PRKACB: variants seen among roughly 807,000 people sequenced by gnomAD.
PRKACB encodes the protein cAMP-dependent protein kinase catalytic subunit beta.
Under a neutral mutation model 51.4 loss-of-function variants are expected in PRKACB, and 16 were observed. The observed-to-expected ratio is 0.31, with a 90% CI of 0.21 to 0.47. PRKACB has a LOEUF of 0.47. Among genes scored for constraint, PRKACB ranks in the 20% least tolerant of loss-of-function variants. The pLI, the probability that PRKACB is intolerant of heterozygous loss-of-function variation, is 1.00. For missense variants in PRKACB, 309 were observed against 464.5 expected (o/e 0.67, Z 3.08); for synonymous variants, 147 against 154.4 (o/e 0.95, Z 0.35).
intron 1 of PRKACB, among the ~76,000 whole-genome samples, chr1:84,093,732 T>C (rs1648704642): frequency 6.6e-6 from 1 of 152,024 alleles, no homozygotes; most frequent in South Asian, 2.1e-4. Context: ...TCCATTTATT[T>C]AGATCTACTT....
intron 8 of PRKACB, among the ~76,000 whole-genome samples, chr1:84,210,920 A>C (rs1054809298): frequency 6.6e-6 from 1 of 152,194 alleles, no homozygotes; most frequent in African/African-American, 2.4e-5. Flanking sequence ...ATACTTTCAC[A>C]ATGACTTTCA....
At chr1:84,085,849 T>A in intron 1 of PRKACB, 1 of 552,274 alleles carries the variant, frequency 1.8e-6, no homozygotes, top group South Asian at 2.7e-5. Context: ...GACCCCACAG[T>A]GCAGTCCTGG....
Position 84,168,072 on chromosome 1 carries a change from T to C in PRKACB, c.188-11105T>C, listed in dbSNP as rs1658115405. 2.0e-5 allele frequency among the ~76,000 whole-genome samples: 3 copies of C among 151,576 alleles called. No homozygotes were observed. In the Admixed American group the frequency reaches 2.0e-4, roughly 10 times the overall value. Reference sequence around the variant, plus strand: ...CAGTCAAACTATTGTAAGGCCCTTATGTTTAGAGGTTGTAGCAACTCACTC... The same window carrying C: ...CAGTCAAACTATTGTAAGGCCCTTACGTTTAGAGGTTGTAGCAACTCACTC... On this transcript the variant is annotated intron_variant, in intron 1 of 9. Transcript: ENST00000370685.
At chr1:84,099,925 TGTCA>T (rs1188143726) in intron 1 of PRKACB, among the ~76,000 whole-genome samples, 2 of 152,188 alleles carry the variant, frequency 1.3e-5, no homozygotes, top group Non-Finnish European at 2.9e-5. Flanking sequence ...TTATTTGAAT[TGTCA>T]GTCTGTGGAC....
chr1:84,160,588 TAC>T, intron 1 of PRKACB, among the ~76,000 whole-genome samples: 1 of 148,128 alleles, frequency 6.8e-6, no homozygotes, highest in East Asian at 2.0e-4. Context: ...TAATAATATA[TAC>T]AAAGCTTAAG....
intron 5 of PRKACB, among the ~76,000 whole-genome samples, chr1:84,193,099 C>T (rs1046711595): frequency 6.6e-6 from 1 of 152,122 alleles, no homozygotes; most frequent in African/African-American, 2.4e-5. Flanking sequence ...AAATAACCCT[C>T]CCCAACAGGA....
intron 1 of PRKACB, among the ~76,000 whole-genome samples, chr1:84,122,370 T>C (rs1651156298): frequency 1.3e-5 from 2 of 152,176 alleles, no homozygotes; most frequent in Admixed American, 1.3e-4. Flanking sequence ...AATCTTATAC[T>C]CAATTGAGCA....
chr1:84,159,882 AT>A (rs1388390421), intron 1 of PRKACB, among the ~76,000 whole-genome samples: 2 of 152,120 alleles, frequency 1.3e-5, no homozygotes, highest in African/African-American at 4.8e-5. Flanking sequence ...TAGTTCGTTA[AT>A]TGATTTTCAA....
chr1:84,144,355 C>A lies in PRKACB; in HGVS notation c.-7C>A, dbSNP rs1028386119. ...AGTTACATTAAGTAAAGTGTAAATG[C>A]ACATGAATGGCAGCTTATAGAGAAC... is the stretch of plus-strand genomic sequence containing the variant. On this transcript the variant is annotated 5_prime_UTR_variant, in exon 1 of 10. Transcript: ENST00000370685. The A allele has an allele frequency of 1.2e-5, 20 of 1,608,600 alleles. No homozygotes were observed. Among genetic ancestry groups the A allele is most frequent in the Non-Finnish European group, 1.6e-5 (19 of 1,178,114 alleles).
intron 1 of PRKACB, among the ~76,000 whole-genome samples, chr1:84,095,894 T>C (rs1648890399): frequency 6.6e-6 from 1 of 152,124 alleles, no homozygotes; most frequent in Admixed American, 6.6e-5. Context: ...TAATCATAGC[T>C]ATATTAAAGT....
intron 1 of PRKACB, among the ~76,000 whole-genome samples, chr1:84,130,898 C>G (rs1652115891): frequency 1.3e-5 from 2 of 152,086 alleles, no homozygotes; most frequent in African/African-American, 4.8e-5. Flanking sequence ...TTTTTCTCCT[C>G]TTAAGTTCAT....
chr1:84,134,805 A>C (rs1308291050), intron 1 of PRKACB, among the ~76,000 whole-genome samples: 2 of 152,152 alleles, frequency 1.3e-5, no homozygotes, highest in African/African-American at 2.4e-5. Context: ...TAAAAAACGA[A>C]ACTTAGTTTA....
chr1:84,112,810 C>T (rs930540486), intron 1 of PRKACB, among the ~76,000 whole-genome samples: 2 of 152,066 alleles, frequency 1.3e-5, no homozygotes, highest in Non-Finnish European at 2.9e-5. Flanking sequence ...GTGGAAGGTA[C>T]TCTTAGGATT....
intron 9 of PRKACB, among the ~76,000 whole-genome samples, chr1:84,234,786 G>C (rs907331836): frequency 6.6e-6 from 1 of 152,182 alleles, no homozygotes; most frequent in Non-Finnish European, 1.5e-5. Flanking sequence ...CACACGGTGC[G>C]TGCACCCACT....
intron 4 of PRKACB, 42 bp downstream of exon 4, chr1:84,184,177 AT>A (rs761606537): frequency 4.2e-5 from 64 of 1,528,652 alleles, no homozygotes; most frequent in East Asian, 7.0e-5. Flanking sequence ...TTCAACCTAA[AT>A]TTTTTTTAAG....
exon 1 of PRKACB, chr1:84,078,221 C>G: frequency 7.6e-7 from 1 of 1,319,242 alleles, no homozygotes; most frequent in Non-Finnish European, 1.0e-6. Flanking sequence ...GCGCACTCAC[C>G]GCTCTGACGG....
In PRKACB at chr1:84,185,128, A is replaced by G. The variant is rs1664707435; in HGVS notation, c.506A>G (p.Glu169Gly). The G allele has an allele frequency of 6.6e-7, 1 of 1,505,356 alleles. No individual in the cohort carries two copies. Among genetic ancestry groups the G allele is most frequent in the Non-Finnish European group, 8.9e-7 (1 of 1,127,968 alleles). 93.2% of individuals were successfully genotyped at this position (1,505,356 alleles called of 1,614,324 possible). The change falls in exon 5 of 10, where the codon GAA becomes GGA. Residue 169 changes from glutamate to glycine, a missense_variant. Around this residue, in one of 3 missense-constraint regions of PRKACB, gnomAD observed 60 missense variants for 144.4 expected, o/e 0.42. Transcript: ENST00000370685. ...AATTCTAATTTATACATGGTTATGG[A>G]ATATGTCCCTGGGGGTGAAATGTTT... ...KDNSNLYMVM[E>G]YVPGGEMFSH... is the part of the protein sequence containing the mutation.
At chr1:84,226,274 G>GT (rs887099141) in intron 9 of PRKACB, among the ~76,000 whole-genome samples, 191 of 18,470 alleles carry the variant, frequency 0.01, 1 homozygote, top group East Asian at 0.022. Flanking sequence ...TGGGTTTTTT[G>GT]TTTTTTTTTT....
chr1:84,159,852 T>A (rs1382053773), intron 1 of PRKACB, among the ~76,000 whole-genome samples: 1 of 152,178 alleles, frequency 6.6e-6, no homozygotes, highest in East Asian at 1.9e-4. Flanking sequence ...TATTTGGTTT[T>A]ATACTTTATT....
Sources: gnomAD v4.1 joint callset for allele counts (sites outside exome capture counted in the v4.1 genomes callset) on GRCh38, gnomAD v4.1.1 for gene constraint, gnomAD v4.1.1 regional missense constraint, MANE v1.5 for transcripts, NCBI Gene and HGNC (gene_info 2026-07-23, HGNC 2026-07-21) for gene names.